CDADC1: variants seen among roughly 807,000 people sequenced by gnomAD.
CDADC1 encodes dCTP deaminase.
Under a neutral mutation model 54.9 loss-of-function variants are expected in CDADC1, and 39 were observed. The observed-to-expected ratio is 0.71, with a 90% CI of 0.55 to 0.93. CDADC1 has a LOEUF of 0.93. Among genes scored for constraint, CDADC1 ranks in the 40% least tolerant of loss-of-function variants. CDADC1 has a pLI of 0.00. For missense variants in CDADC1, 518 were observed against 618.8 expected (o/e 0.84, Z 1.73); for synonymous variants, 186 against 204.0 (o/e 0.91, Z 0.75).
Position 49,293,180 on chromosome 13 carries a change from T to C in CDADC1, c.*1423T>C, listed in dbSNP as rs1469468971. 6.5e-6 allele frequency: 1 copy of C among 152,734 alleles called. No individual in the cohort carries two copies. The highest frequency in any genetic ancestry group is 1.5e-5 in the Non-Finnish European group (1 of 68,402). The allele number at this position is 152,734 out of a possible 1,614,324, so 9.5% of individuals were successfully genotyped here. On this transcript the variant is annotated 3_prime_UTR_variant, in exon 10 of 10. Coordinates refer to ENST00000251108, the MANE Select transcript of CDADC1 (RefSeq NM_030911.4). ...TACCTCCCAAATTGCTTTATTGTAT[T>C]AACTCTCATGCTTCAGCTCTTGGAT... is the stretch of plus-strand genomic sequence containing the variant.
At position 49,274,310 on chromosome 13, in the gene CDADC1, TG is replaced by T. The variant is rs774400924; in HGVS notation, c.1024del (p.Ala342GlnfsTer21). 1 of 1,611,148 alleles carries T rather than the reference TG, an allele frequency of 6.2e-7. No individual in the cohort carries two copies. The highest frequency in any genetic ancestry group is 1.3e-5 in the African/African-American group (1 of 74,948). On this transcript the variant is annotated frameshift_variant, in exon 6 of 10. Transcript: ENST00000251108. LOFTEE classifies it high-confidence loss of function. Reference protein sequence around the residue: ...YRTEDHKTGVGAVIWAEGKSR... With the variant: ...YRTEDHKTGVXAVIWAEGKSR... The stretch of plus-strand genomic sequence containing the variant: ...TTTCAGAGGATCATAAAACAGGAGT[TG>T]GGGCAGTCATTTGGGCAGAAGGGAA...
chr13:49,263,208 T>G (rs1952726262), intron 4 of CDADC1, among the ~76,000 whole-genome samples: 1 of 152,224 alleles, frequency 6.6e-6, no homozygotes. Flanking sequence ...CCTGTCACTT[T>G]CAGATAAACA....
rs139832648 is a variant in CDADC1 at position 49,262,041 on chromosome 13, A to G, written c.430+2518A>G. Among the ~76,000 whole-genome samples the G allele has an allele frequency of 1.7e-3, 261 of 152,308 alleles. 1 individual carries two copies. The highest frequency in any genetic ancestry group is 5.5e-3 in the African/African-American group (229 of 41,566). Reference sequence around the variant, plus strand: ...CTATAGCTAGATTACTTTAGTTAGAATTGCTATTACCTCAGTTATAAGGCA... The same window carrying G: ...CTATAGCTAGATTACTTTAGTTAGAGTTGCTATTACCTCAGTTATAAGGCA... On this transcript the variant is annotated intron_variant, in intron 4 of 9. Coordinates refer to ENST00000251108, the MANE Select transcript of CDADC1 (RefSeq NM_030911.4).
chr13:49,290,475 G>A (rs1953672980), intron 9 of CDADC1, among the ~76,000 whole-genome samples: 1 of 152,068 alleles, frequency 6.6e-6, no homozygotes, highest in Non-Finnish European at 1.5e-5. Flanking sequence ...AAAGAGAGAG[G>A]GGTGGCTTTC....
At chr13:49,289,722 TAAAGTTCAA>T (rs1452527191) in intron 9 of CDADC1, among the ~76,000 whole-genome samples, 2 of 152,124 alleles carry the variant, frequency 1.3e-5, no homozygotes, top group African/African-American at 4.8e-5. Context: ...CATTTCTGTA[TAAAGTTCAA>T]AAAGACATAC....
At chr13:49,278,260 A>T (rs1953203288) in intron 6 of CDADC1, 90 bp from the exon 7 acceptor site, 1 of 927,112 alleles carries the variant, frequency 1.1e-6, no homozygotes, top group Non-Finnish European at 1.6e-6. Flanking sequence ...AATATTCATT[A>T]TACAAAGTAT....
At chr13:49,257,627 G>A (rs1341900549) in intron 3 of CDADC1, among the ~76,000 whole-genome samples, 2 of 152,128 alleles carry the variant, frequency 1.3e-5, no homozygotes, top group Non-Finnish European at 2.9e-5. Context: ...AAAATTAGCC[G>A]GGCGTGGTGG....
At chr13:49,253,667 A>G (rs954795882) in intron 2 of CDADC1, among the ~76,000 whole-genome samples, 1 of 152,160 alleles carries the variant, frequency 6.6e-6, no homozygotes, top group Admixed American at 6.5e-5. Flanking sequence ...GTTAGGTACT[A>G]TGTGTTTGTT....
At chr13:49,275,487 G>A (rs545597157) in intron 6 of CDADC1, among the ~76,000 whole-genome samples, 6 of 151,378 alleles carry the variant, frequency 4.0e-5, no homozygotes, top group African/African-American at 1.5e-4. Context: ...ATAACACACA[G>A]AGACTGGGGT....
chr13:49,284,192 T>C (rs1953439405), intron 8 of CDADC1, among the ~76,000 whole-genome samples: 1 of 152,230 alleles, frequency 6.6e-6, no homozygotes, highest in African/African-American at 2.4e-5. Flanking sequence ...TTCTTTGTTT[T>C]CTCTTTAATA....
intron 3 of CDADC1, among the ~76,000 whole-genome samples, chr13:49,257,741 G>T (rs971680384): frequency 1.3e-5 from 2 of 152,154 alleles, no homozygotes; most frequent in African/African-American, 2.4e-5. Context: ...CAGCCTGGGC[G>T]ACAGAGTGAG....
rs1427572383 is a variant in CDADC1 at position 49,280,713 on chromosome 13, A to C, written c.1410+15A>C. On this transcript the variant is annotated intron_variant, in intron 8 of 9. Coordinates refer to ENST00000251108, the MANE Select transcript of CDADC1 (RefSeq NM_030911.4). The stretch of plus-strand genomic sequence containing the variant: ...GCAAATTTACGGTAAGTAGATACAC[A>C]TTTTTTTCAGGTGTATTTTGTATTA... 2 of 1,518,622 alleles carry C rather than the reference A, an allele frequency of 1.3e-6. No individual in the cohort carries two copies. The highest frequency in any genetic ancestry group is 2.8e-5 in the African/African-American group (2 of 71,666). The allele number at this position is 1,518,622 out of a possible 1,614,324, so 94.1% of individuals were successfully genotyped here. A position where few individuals can be genotyped will look rare whatever the true frequency, so the allele number is the denominator to read the frequency against.
intron 1 of CDADC1, chr13:49,248,397 G>C: frequency 7.4e-6 from 3 of 407,048 alleles, no homozygotes; most frequent in Non-Finnish European, 8.8e-6. Context: ...ATTTCCAAAC[G>C]GCGCTTTTGC....
rs1430997406 is a variant in CDADC1 at position 49,247,988 on chromosome 13, A to G, written c.-50A>G. The G allele has an allele frequency of 2.6e-6, 4 of 1,510,664 alleles. No homozygotes were observed. Among genetic ancestry groups the G allele is most frequent in the Non-Finnish European group, 3.6e-6 (4 of 1,110,110 alleles). 93.6% of individuals were successfully genotyped at this position (1,510,664 alleles called of 1,614,324 possible). On this transcript the variant is annotated 5_prime_UTR_variant, in exon 1 of 10. An upstream start codon of the reference 5' UTR is lost. Transcript: ENST00000251108. The stretch of plus-strand genomic sequence containing the variant: ...AGGCGGGGGCGCTAGGGCCGAGATC[A>G]TGTCTGACTGGGAGAGGTTTCCTTG...
At chr13:49,286,636 G>A (rs1953522082) in intron 9 of CDADC1, among the ~76,000 whole-genome samples, 1 of 152,184 alleles carries the variant, frequency 6.6e-6, no homozygotes, top group Admixed American at 6.5e-5. Flanking sequence ...AATTAGTACA[G>A]ATGGATTGGG....
At chr13:49,281,462 C>A (rs1953332303) in intron 8 of CDADC1, among the ~76,000 whole-genome samples, 1 of 152,138 alleles carries the variant, frequency 6.6e-6, no homozygotes, top group South Asian at 2.1e-4. Flanking sequence ...CACCTCAGAT[C>A]ATCAGGCAAT....
At chr13:49,256,936 C>T (rs1371647152) in intron 3 of CDADC1, among the ~76,000 whole-genome samples, 2 of 152,142 alleles carry the variant, frequency 1.3e-5, no homozygotes, top group East Asian at 3.9e-4. Context: ...AGACTGTACC[C>T]TTTTGCCCAT....
At chr13:49,255,317 G>A (rs1472453677) in intron 2 of CDADC1, among the ~76,000 whole-genome samples, 1 of 152,172 alleles carries the variant, frequency 6.6e-6, no homozygotes, top group Non-Finnish European at 1.5e-5. Flanking sequence ...GTCAAGGTAG[G>A]TGGTTAGTGC....
intron 2 of CDADC1, 53 bp from the exon 3 acceptor site, chr13:49,255,786 G>A (rs763653422): frequency 7.1e-5 from 113 of 1,588,536 alleles, no homozygotes; most frequent in Non-Finnish European, 7.6e-5. Flanking sequence ...TATTGAATTA[G>A]TCATATGTCT....
Sources: gnomAD v4.1 joint callset for allele counts (sites outside exome capture counted in the v4.1 genomes callset) on GRCh38, gnomAD v4.1.1 for gene constraint, MANE v1.5 for transcripts, NCBI Gene and HGNC (gene_info 2026-07-23, HGNC 2026-07-21) for gene names.